WDR47: variants seen among roughly 807,000 people sequenced by gnomAD.
WDR47 encodes WD repeat-containing protein 47.
WDR47 carries 32 observed loss-of-function variants against 97.2 expected under a neutral mutation model. That is an observed-to-expected ratio of 0.33 (90% CI 0.25 to 0.44). The LOEUF (loss-of-function observed/expected upper bound fraction) is 0.44. Among genes scored for constraint, WDR47 ranks in the 20% least tolerant of loss-of-function variants. The pLI, the probability that WDR47 is intolerant of heterozygous loss-of-function variation, is 1.00. For synonymous variants in WDR47, 375 were observed against 373.5 expected, an observed-to-expected ratio of 1.00 and a Z score of -0.05; for missense variants, 782 against 1,102.3, an observed-to-expected ratio of 0.71 and a Z score of 4.11.
intron 1 of WDR47, among the ~76,000 whole-genome samples, chr1:109,028,264 A>G (rs1435609883): frequency 6.6e-6 from 1 of 151,242 alleles, no homozygotes; most frequent in East Asian, 2.0e-4. Context: ...GGCTCACTGC[A>G]GCCTTGGCCT....
At chr1:108,973,481 T>A (rs1044128502) in intron 14 of WDR47, among the ~76,000 whole-genome samples, 3 of 152,172 alleles carry the variant, frequency 2.0e-5, no homozygotes, top group Non-Finnish European at 2.9e-5. Context: ...ACAATAAATA[T>A]TTGCTTGATG....
rs1285013380 is a variant in WDR47, at chr1:109,023,496, G to A, written c.17C>T (p.Thr6Ile). 6.2e-7 allele frequency: 1 copy of A among 1,612,666 alleles called. No homozygotes were observed. The highest frequency in any genetic ancestry group is 8.5e-7 in the Non-Finnish European group (1 of 1,179,220). The change falls in exon 2 of 15, where the codon ACA becomes ATA. Residue 6 changes from threonine to isoleucine, a missense_variant. Physicochemically the swap from Thr to Ile is moderately conservative, Grantham distance 89. This residue lies in a region of WDR47 where 428 missense variants were observed against 584.3 expected (regional missense o/e 0.73). Coordinates refer to ENST00000369962, the MANE Select transcript of WDR47 (RefSeq NM_001142551.2). ...GATTTCAACCTCTTTTACATTCACT[G>A]TTTCTTCAGCCGTCATATTGATAGC... Reference protein sequence around the residue: MTAEETVNVKEVEIIK... With the variant: MTAEEIVNVKEVEIIK...
chr1:109,013,879 C>T lies in WDR47; in HGVS notation c.289G>A (p.Val97Ile). The change falls in exon 4 of 15, where the codon GTT becomes ATT. Residue 97 changes from valine (V) to isoleucine (I), a missense_variant. Transcript: ENST00000369962. ...LKQKFLEALC[V>I]NNAMSAEDEP... Reference sequence around the variant, plus strand: ...TCTTCTGCTGACATCGCGTTGTTAACACATAAAGCTTCTAAAAACTTCTGC... The same window carrying T: ...TCTTCTGCTGACATCGCGTTGTTAATACATAAAGCTTCTAAAAACTTCTGC... The T allele has an allele frequency of 6.2e-7, 1 of 1,613,246 alleles. No individual in the cohort carries two copies. Among genetic ancestry groups the T allele is most frequent in the Non-Finnish European group, 8.5e-7 (1 of 1,179,856 alleles).
intron 1 of WDR47, among the ~76,000 whole-genome samples, chr1:109,040,496 C>T (rs1005552807): frequency 6.7e-6 from 1 of 149,758 alleles, no homozygotes; most frequent in Non-Finnish European, 1.5e-5. Context: ...GGGAGATAAA[C>T]ACAGGTTAAA....
intron 7 of WDR47, among the ~76,000 whole-genome samples, chr1:109,001,813 C>G (rs1163913604): frequency 2.0e-5 from 3 of 152,036 alleles, no homozygotes; most frequent in Admixed American, 2.0e-4. Context: ...ATCACTTGAG[C>G]CCAGGAAGTT....
chr1:108,977,997 A>G (rs1571135603), intron 13 of WDR47, among the ~76,000 whole-genome samples: 1 of 152,004 alleles, frequency 6.6e-6, no homozygotes, highest in Non-Finnish European at 1.5e-5. Flanking sequence ...AAAAAAAAAA[A>G]AAAAGAACTC....
At chr1:108,989,405 T>C (rs1307723613) in intron 9 of WDR47, among the ~76,000 whole-genome samples, 3 of 152,238 alleles carry the variant, frequency 2.0e-5, no homozygotes, top group African/African-American at 7.2e-5. Context: ...TACATCCTCC[T>C]TGCAGGAGTA....
rs530005401 is a variant in WDR47 at position 109,039,876 on chromosome 1, A to C, written c.-10+1986T>G. The stretch of plus-strand genomic sequence containing the variant: ...CATGGTGAAACCCCATCTCTACTAA[A>C]AATACAAAAAGTAGCCGGGCGTGGT... On this transcript the variant is annotated intron_variant, in intron 1 of 14. Coordinates refer to ENST00000369962, the MANE Select transcript of WDR47 (RefSeq NM_001142551.2). 2.6e-5 allele frequency among the ~76,000 whole-genome samples: 4 copies of C among 152,042 alleles called. No homozygotes were observed. In the South Asian group the frequency reaches 8.3e-4, roughly 32 times the overall value.
chr1:109,002,086 G>A, intron 7 of WDR47, 138 bp downstream of exon 7: 1 of 970,512 alleles, frequency 1.0e-6, no homozygotes, highest in Non-Finnish European at 1.5e-6. Flanking sequence ...TGACTAGAAA[G>A]CAATATGTAA....
At chr1:109,012,464 T>G (rs780738828) in intron 4 of WDR47, among the ~76,000 whole-genome samples, 3 of 149,858 alleles carry the variant, frequency 2.0e-5, no homozygotes, top group Non-Finnish European at 3.0e-5. Flanking sequence ...TCCCAGCTAC[T>G]TGAGAGGCTG....
chr1:109,033,802 C>T (rs1296725751), intron 1 of WDR47, among the ~76,000 whole-genome samples: 1 of 152,208 alleles, frequency 6.6e-6, no homozygotes, highest in Non-Finnish European at 1.5e-5. Flanking sequence ...GCCTGTAATC[C>T]CAGCTACTCA....
At chr1:109,027,463 T>C (rs903595260) in intron 1 of WDR47, among the ~76,000 whole-genome samples, 1 of 152,182 alleles carries the variant, frequency 6.6e-6, no homozygotes, top group African/African-American at 2.4e-5. Context: ...CTAACTCCCT[T>C]GTATTACTGA....
chr1:108,990,261 T>A (rs1237276817), intron 9 of WDR47, among the ~76,000 whole-genome samples: 1 of 151,914 alleles, frequency 6.6e-6, no homozygotes, highest in Non-Finnish European at 1.5e-5. Context: ...CAGGCTGGAG[T>A]ACAATGGCGC....
chr1:109,019,382 CAAAA>C (rs543984146), intron 2 of WDR47, among the ~76,000 whole-genome samples: 1 of 61,454 alleles, frequency 1.6e-5, no homozygotes, highest in African/African-American at 6.2e-5. Context: ...GACTCTGTCT[CAAAA>C]AAAAAAAAAA....
intron 1 of WDR47, among the ~76,000 whole-genome samples, chr1:109,025,287 A>C (rs1045032611): frequency 6.6e-5 from 10 of 151,748 alleles, no homozygotes; most frequent in African/African-American, 2.4e-4. Flanking sequence ...AAAATATAAC[A>C]ATCAGCCAGC....
intron 1 of WDR47, among the ~76,000 whole-genome samples, chr1:109,026,410 T>C (rs1366717935): frequency 1.3e-5 from 2 of 151,988 alleles, no homozygotes; most frequent in East Asian, 3.8e-4. Context: ...ATATCAGAAC[T>C]GTCTCCCTAA....
At chr1:109,005,784 G>C (rs200670397) in intron 5 of WDR47, among the ~76,000 whole-genome samples, 1 of 151,882 alleles carries the variant, frequency 6.6e-6, no homozygotes, top group Non-Finnish European at 1.5e-5. Flanking sequence ...CAAGAGAATC[G>C]CTTGAACCAG....
At chr1:108,991,940 G>C (rs1277942830) in intron 8 of WDR47, among the ~76,000 whole-genome samples, 1 of 152,058 alleles carries the variant, frequency 6.6e-6, no homozygotes, top group African/African-American at 2.4e-5. Flanking sequence ...TGGGATTACA[G>C]GTGTGAGTCA....
chr1:109,010,578 ATTTTT>A (rs199821610), intron 5 of WDR47, among the ~76,000 whole-genome samples: 2 of 101,710 alleles, frequency 2.0e-5, no homozygotes, highest in Non-Finnish European at 1.9e-5. Flanking sequence ...AGATTTCCTA[ATTTTT>A]TTTTTTTTTT....
Sources: allele counts gnomAD v4.1 joint callset (sites outside exome capture counted in the v4.1 genomes callset), GRCh38; gene constraint gnomAD v4.1.1; regional missense constraint gnomAD v4.1.1; transcripts MANE v1.5; gene names NCBI Gene and HGNC (gene_info 2026-07-23, HGNC 2026-07-21).